Variants in CFHR4 observed in about 807,000 individuals in gnomAD.
The protein encoded by CFHR4 is complement factor H-related protein 4.
In CFHR4, 64 loss-of-function variants were observed where a neutral mutation model predicts 69.3. The observed-to-expected ratio is 0.92, with a 90% CI of 0.76 to 1.14. The LOEUF (loss-of-function observed/expected upper bound fraction) is 1.14. Among genes scored for constraint, CFHR4 ranks in the 50% most tolerant of loss-of-function variants. The pLI is 0.00. For synonymous variants in CFHR4, 244 were observed against 237.0 expected, an observed-to-expected ratio of 1.03 and a Z score of -0.27; for missense variants, 636 against 684.9, an observed-to-expected ratio of 0.93 and a Z score of 0.80.
chr1:196,894,732 A>C (rs1202077204), intron 1 of CFHR4, among the ~76,000 whole-genome samples: 1 of 150,998 alleles, frequency 6.6e-6, no homozygotes, highest in Non-Finnish European at 1.5e-5. Context: ...TGCATACAAG[A>C]CTCTCTCTGT....
intron 6 of CFHR4, among the ~76,000 whole-genome samples, chr1:196,912,088 A>G (rs1424672018): frequency 2.6e-5 from 4 of 151,426 alleles, no homozygotes; most frequent in Non-Finnish European, 5.9e-5. Flanking sequence ...TACCTTATAC[A>G]TATACCCATT....
chr1:196,909,046 G>T, intron 5 of CFHR4, among the ~76,000 whole-genome samples: 1 of 151,504 alleles, frequency 6.6e-6, no homozygotes, highest in Admixed American at 6.6e-5. Flanking sequence ...AGGAAAATTC[G>T]TATCCTCAAA....
intron 1 of CFHR4, among the ~76,000 whole-genome samples, chr1:196,897,392 G>A (rs1423882471): frequency 6.6e-6 from 1 of 151,580 alleles, no homozygotes. Context: ...CGGCTTGTGT[G>A]TTAATCCGCT....
In CFHR4 at chr1:196,914,629, G is replaced by C. The variant is rs756233429; in HGVS notation, c.1315G>C (p.Val439Leu). 6.2e-7 allele frequency: 1 copy of C among 1,610,648 alleles called. No individual in the cohort carries two copies. The highest frequency in any genetic ancestry group is 1.7e-4 in the Middle Eastern group (1 of 6,050). ...TTATGGAAACACCACAGGTTCCATA[G>C]TGTGTGGTGAAGATGGGTGGTCCCA... ...ISYGNTTGSI[V>L]CGEDGWSHFP... is the part of the protein sequence containing the mutation. Residue 439 changes from valine to leucine, a missense_variant, in exon 8 of 10, where the codon GTG becomes CTG. By Grantham distance (32) the Val-to-Leu change is conservative. Around this residue, in one of 3 missense-constraint regions of CFHR4, gnomAD observed 529 missense variants for 533.2 expected, o/e 0.99. Transcript: ENST00000608469.
intron 5 of CFHR4, among the ~76,000 whole-genome samples, chr1:196,909,318 G>C (rs1335674014): frequency 6.6e-6 from 1 of 151,308 alleles, no homozygotes; most frequent in Admixed American, 6.6e-5. Context: ...ATTCAAGCAG[G>C]GAATTCTAGG....
intron 1 of CFHR4, among the ~76,000 whole-genome samples, chr1:196,900,228 G>A (rs1306894800): frequency 6.6e-6 from 1 of 150,762 alleles, no homozygotes; most frequent in East Asian, 1.9e-4. Context: ...CTGCTTGTGA[G>A]TCTACAATTC....
At chr1:196,909,048 A>G (rs1486818940) in intron 5 of CFHR4, among the ~76,000 whole-genome samples, 1 of 151,540 alleles carries the variant, frequency 6.6e-6, no homozygotes, top group Non-Finnish European at 1.5e-5. Context: ...GAAAATTCGT[A>G]TCCTCAAATC....
chr1:196,894,916 C>G (rs1015813945), intron 1 of CFHR4, among the ~76,000 whole-genome samples: 21 of 151,222 alleles, frequency 1.4e-4, no homozygotes, highest in Non-Finnish European at 2.2e-4. Flanking sequence ...ACAAATTATT[C>G]AGGTATGGTG....
chr1:196,912,254 C>G (rs1658314567), intron 6 of CFHR4, among the ~76,000 whole-genome samples: 1 of 151,350 alleles, frequency 6.6e-6, no homozygotes, highest in Non-Finnish European at 1.5e-5. Flanking sequence ...TAAGCACCCA[C>G]TTAAGATGAC....
At chr1:196,902,396 G>GT in intron 1 of CFHR4, 22 bp from the exon 2 acceptor site, 2 of 1,496,466 alleles carry the variant, frequency 1.3e-6, no homozygotes, top group South Asian at 2.3e-5. Flanking sequence ...TATTTATACT[G>GT]TTTTTTGTTT....
At chr1:196,913,641 T>C (rs1484077922) in intron 7 of CFHR4, among the ~76,000 whole-genome samples, 1 of 151,486 alleles carries the variant, frequency 6.6e-6, no homozygotes, top group East Asian at 1.9e-4. Context: ...CTTTATATAT[T>C]CACAAAGATT....
At chr1:196,892,977 T>C (rs966137142) in intron 1 of CFHR4, among the ~76,000 whole-genome samples, 7 of 151,602 alleles carry the variant, frequency 4.6e-5, no homozygotes, top group Non-Finnish European at 1.0e-4. Flanking sequence ...CTAATATTAA[T>C]GGACAATGGT....
chr1:196,902,356 C>T, intron 1 of CFHR4, 62 bp from the exon 2 acceptor site: 26 of 1,133,120 alleles, frequency 2.3e-5, no homozygotes, highest in Non-Finnish European at 3.1e-5. Flanking sequence ...TCAAAAATGT[C>T]ATATATGATT....
intron 4 of CFHR4, 56 bp downstream of exon 4, chr1:196,907,093 C>T (rs1380858166): frequency 6.8e-7 from 1 of 1,477,540 alleles, no homozygotes; most frequent in Non-Finnish European, 9.3e-7. Context: ...TAGAAACATA[C>T]ATATGTATAT....
chr1:196,909,294 A>C (rs913964953), intron 5 of CFHR4, among the ~76,000 whole-genome samples: 1 of 151,474 alleles, frequency 6.6e-6, no homozygotes, highest in African/African-American at 2.4e-5. Context: ...TTAAAATCTA[A>C]AGAAGCAAAG....
At chr1:196,918,056 A>G (rs1017679967) in intron 9 of CFHR4, among the ~76,000 whole-genome samples, 154 bp from the exon 10 acceptor site, 1 of 151,710 alleles carries the variant, frequency 6.6e-6, no homozygotes, top group Non-Finnish European at 1.5e-5. Context: ...TATTTTTGAA[A>G]TGCTAAAGTC....
intron 5 of CFHR4, 72 bp from the exon 6 acceptor site, chr1:196,910,209 A>G: frequency 3.5e-6 from 3 of 866,926 alleles, no homozygotes; most frequent in Non-Finnish European, 5.0e-6. Context: ...ACATAATCAA[A>G]ACAGTCATCT....
intron 4 of CFHR4, 24 bp downstream of exon 4, chr1:196,907,061 C>A (rs114567637): frequency 2.5e-6 from 4 of 1,575,810 alleles, no homozygotes; most frequent in South Asian, 1.1e-5. Context: ...TCAAGTATTT[C>A]TTTTTACTAG....
intron 2 of CFHR4, 71 bp downstream of exon 2, chr1:196,902,686 T>C (rs1264809349): frequency 1.8e-6 from 2 of 1,111,592 alleles, no homozygotes; most frequent in Non-Finnish European, 2.6e-6. Flanking sequence ...AATAAATGAT[T>C]ATATTGTCTT....
Sources: gnomAD v4.1 joint callset for allele counts (sites outside exome capture counted in the v4.1 genomes callset) on GRCh38, gnomAD v4.1.1 for gene constraint, gnomAD v4.1.1 regional missense constraint, MANE v1.5 for transcripts, NCBI Gene and HGNC (gene_info 2026-07-23, HGNC 2026-07-21) for gene names.